FGFR1: variants seen among roughly 807,000 people sequenced by gnomAD.
FGFR1 encodes fibroblast growth factor receptor 1, also known as FGFR1/PLAG1 fusion.
Under a neutral mutation model 93.7 loss-of-function variants are expected in FGFR1, and 18 were observed. That is an observed-to-expected ratio of 0.19 (90% CI 0.13 to 0.28). The LOEUF is 0.28. Ranked by LOEUF, FGFR1 falls within the 10% of genes least tolerant of loss-of-function variation. FGFR1 has a pLI of 1.00. For missense variants in FGFR1, 731 were observed against 1,080.4 expected (o/e 0.68, Z 4.53); for synonymous variants, 448 against 429.3 (o/e 1.04, Z -0.54).
chr8:38,442,514 A>T (rs1345760374), intron 2 of FGFR1, among the ~76,000 whole-genome samples: 1 of 151,962 alleles, frequency 6.6e-6, no homozygotes. Context: ...TGGGTTCTGT[A>T]ATGGAAAGAT....
intron 2 of FGFR1, among the ~76,000 whole-genome samples, chr8:38,432,812 C>T (rs540182056): frequency 7.9e-5 from 12 of 152,148 alleles, no homozygotes; most frequent in African/African-American, 2.9e-4. Context: ...GAGTAAAATC[C>T]ACATCCCTGC....
rs770230705 is a variant in FGFR1 at position 38,414,028 on chromosome 8, G to A, written c.2187-5C>T. 120 of 1,613,786 alleles carry A rather than the reference G, an allele frequency of 7.4e-5. No homozygotes were observed. The highest frequency in any genetic ancestry group is 9.0e-5 in the Non-Finnish European group (106 of 1,179,908). On this transcript the variant is annotated splice_polypyrimidine_tract_variant and splice_region_variant and intron_variant, in intron 16 of 17. Transcript: ENST00000447712. ...CAGTCCCGCATCATCATGTACCTGC[G>A]GCAGGACTGTAAGGTCAGGGACGTC...
chr8:38,411,373 C>A lies in FGFR1; in HGVS notation c.*2255G>T, dbSNP rs1193721992. On this transcript the variant is annotated 3_prime_UTR_variant, in exon 18 of 18. Transcript: ENST00000447712. ...CATCACTGTTTTACAAGGAAAGACA[C>A]TCCTGTGCGGTCTCAAAGCAAATGC... 1 of 220,254 alleles carries A rather than the reference C, an allele frequency of 4.5e-6. No homozygotes were observed. Among genetic ancestry groups the A allele is most frequent in the South Asian group, 1.8e-4 (1 of 5,406 alleles). 13.6% of individuals were successfully genotyped at this position (220,254 alleles called of 1,614,324 possible). A position where few individuals can be genotyped will look rare whatever the true frequency, so the allele number is the denominator to read the frequency against.
intron 1 of FGFR1, 142 bp downstream of exon 1, chr8:38,467,839 G>GT (rs1228197012): frequency 8.7e-6 from 2 of 229,448 alleles, no homozygotes; most frequent in Non-Finnish European, 1.7e-5. Context: ...GCCAGGAGGT[G>GT]AAAGGGGCGG....
intron 3 of FGFR1, 140 bp from the exon 4 acceptor site, chr8:38,428,575 T>C (rs1407863594): frequency 5.6e-6 from 4 of 711,236 alleles, no homozygotes; most frequent in Non-Finnish European, 1.0e-5. Flanking sequence ...GATCTCTTGG[T>C]GGGATGGAAA....
intron 2 of FGFR1, among the ~76,000 whole-genome samples, chr8:38,436,024 C>A (rs1030197446): frequency 1.3e-5 from 2 of 152,156 alleles, no homozygotes; most frequent in African/African-American, 4.8e-5. Flanking sequence ...GTGACCTAGC[C>A]TGAGGCTGAA....
intron 1 of FGFR1, chr8:38,466,487 C>T (rs898371677): frequency 4.3e-6 from 1 of 231,500 alleles, no homozygotes; most frequent in African/African-American, 2.2e-5. Flanking sequence ...GCCCCATCTC[C>T]CAAGATGCCT....
chr8:38,453,470 C>A (rs1395241490), intron 2 of FGFR1, among the ~76,000 whole-genome samples: 1 of 152,220 alleles, frequency 6.6e-6, no homozygotes, highest in Non-Finnish European at 1.5e-5. Flanking sequence ...AGAGGAACTT[C>A]CCCAAGAGCC....
At chr8:38,461,724 G>A (rs1313942393) in intron 1 of FGFR1, among the ~76,000 whole-genome samples, 1 of 151,620 alleles carries the variant, frequency 6.6e-6, no homozygotes, top group Admixed American at 6.6e-5. Context: ...CCCACCTAGA[G>A]GAAGCCACAT....
In FGFR1 at chr8:38,417,398, T is replaced by G. The variant is rs1255503690; in HGVS notation, c.1571A>C (p.Asp524Ala). The G allele has an allele frequency of 6.2e-7, 1 of 1,614,018 alleles. No individual in the cohort carries two copies. The highest frequency in any genetic ancestry group is 8.5e-7 in the Non-Finnish European group (1 of 1,180,002). Residue 524 changes from aspartate to alanine, a missense_variant, in exon 12 of 18, where the codon GAC becomes GCC. This residue lies in a region of FGFR1 where 62 missense variants were observed against 99.5 expected (regional missense o/e 0.62). Transcript: ENST00000447712. ...KMLKSDATEK[D>A]LSDLISEMEM... The stretch of plus-strand genomic sequence containing the variant: ...CATTTCTGAGATCAGGTCTGACAAG[T>G]CTTTCTCTGTTGCGTCCGCTTTAAA...
intron 7 of FGFR1, chr8:38,422,332 A>T: frequency 2.3e-6 from 1 of 443,682 alleles, no homozygotes; most frequent in African/African-American, 2.0e-5. Flanking sequence ...AGACACACAC[A>T]TGCACACGCA....
chr8:38,437,590 G>C (rs1002087506), intron 2 of FGFR1, among the ~76,000 whole-genome samples: 1 of 152,212 alleles, frequency 6.6e-6, no homozygotes, highest in East Asian at 1.9e-4. Context: ...AAATGTCTGG[G>C]GGGAACAGAA....
At chr8:38,422,459 T>C (rs113071967) in intron 7 of FGFR1, among the ~76,000 whole-genome samples, 1,621 of 152,274 alleles carry the variant, frequency 0.011, 32 homozygotes, top group African/African-American at 0.036. Flanking sequence ...CAGGCTGGGG[T>C]GCAGTGGCAT....
chr8:38,459,626 T>A (rs1833872259), intron 1 of FGFR1, among the ~76,000 whole-genome samples: 1 of 152,184 alleles, frequency 6.6e-6, no homozygotes, highest in Admixed American at 6.5e-5. Flanking sequence ...TTATGGGGGA[T>A]AAGTTTTATT....
At chr8:38,447,469 T>C (rs1013650567) in intron 2 of FGFR1, among the ~76,000 whole-genome samples, 1 of 151,556 alleles carries the variant, frequency 6.6e-6, no homozygotes, top group Non-Finnish European at 1.5e-5. Flanking sequence ...GCATGCAGAG[T>C]GTGGAGATGA....
In FGFR1 at chr8:38,413,905, C is replaced by G. The variant is rs756341817; in HGVS notation, c.2292+13G>C. 3 of 1,613,482 alleles carry G rather than the reference C, an allele frequency of 1.9e-6. No homozygotes were observed. The highest frequency in any genetic ancestry group is 1.7e-6 in the Non-Finnish European group (2 of 1,179,746). ...GACGGCCTGAGCTCTGGCTCTGGCA[C>G]GGGCAGCCTTACCTGGTTGGAGGTC... On this transcript the variant is annotated intron_variant, in intron 17 of 17. Transcript: ENST00000447712. This position sits in a 1 kb window ranked among gnomAD's most constrained non-coding sequence, Gnocchi z 4.2.
rs918607188 is a variant in FGFR1, at chr8:38,468,363, G to A, written c.-471C>T. 4.4e-6 allele frequency: 1 copy of A among 228,318 alleles called. No individual in the cohort carries two copies. Among genetic ancestry groups the A allele is most frequent in the Non-Finnish European group, 8.7e-6 (1 of 114,674 alleles). 14.1% of individuals were successfully genotyped at this position (228,318 alleles called of 1,614,324 possible). A position where few individuals can be genotyped will look rare whatever the true frequency, so the allele number is the denominator to read the frequency against. On this transcript the variant is annotated 5_prime_UTR_variant, in exon 1 of 18. The change creates a new upstream start codon in the 5' untranslated region. Transcript: ENST00000447712. ...CGTGCCCGACTGCAGCACGGGTACC[G>A]TGCGCCCTGCGGGGCGCCCCGAGCT...
intron 1 of FGFR1, among the ~76,000 whole-genome samples, chr8:38,467,496 C>T (rs1835809075): frequency 6.6e-6 from 1 of 152,164 alleles, no homozygotes; most frequent in Non-Finnish European, 1.5e-5. Flanking sequence ...AAGCTACCTG[C>T]TGAATTGGGG....
rs943502843 is a variant in FGFR1 at position 38,413,883 on chromosome 8, G to A, written c.2292+35C>T. ...GGAGGTGCGTGCACGCAGTGGGGAC[G>A]GCCTGAGCTCTGGCTCTGGCACGGG... On this transcript the variant is annotated intron_variant, in intron 17 of 17. Transcript: ENST00000447712. The surrounding 1 kb of genome is among the most constrained non-coding windows in gnomAD (Gnocchi z 4.2). The A allele has an allele frequency of 1.1e-5, 17 of 1,612,560 alleles. No individual in the cohort carries two copies. The highest frequency in any genetic ancestry group is 6.7e-5 in the Admixed American group (4 of 59,924).
Sources: gnomAD v4.1 joint callset for allele counts (sites outside exome capture counted in the v4.1 genomes callset) on GRCh38, gnomAD v4.1.1 for gene constraint, gnomAD v4.1.1 regional missense constraint, Gnocchi (gnomAD v3.1) non-coding constraint, MANE v1.5 for transcripts, NCBI Gene and HGNC (gene_info 2026-07-23, HGNC 2026-07-21) for gene names.